Variants in KIF5C observed in about 807,000 individuals in gnomAD.
KIF5C encodes the protein kinesin heavy chain isoform 5C.
Under a neutral mutation model 125.2 loss-of-function variants are expected in KIF5C, and 18 were observed. The observed-to-expected ratio is 0.14, with a 90% CI of 0.10 to 0.21. The LOEUF is 0.21. KIF5C is among the 10% of genes least tolerant of loss of function. The pLI is 1.00. For missense variants in KIF5C, 780 were observed against 1,183.8 expected (o/e 0.66, Z 5.01); for synonymous variants, 405 against 434.0 (o/e 0.93, Z 0.83).
At chr2:148,967,695 G>A (rs1041240917) in intron 11 of KIF5C, among the ~76,000 whole-genome samples, 3 of 152,156 alleles carry the variant, frequency 2.0e-5, no homozygotes, top group Admixed American at 6.5e-5. Context: ...GTCTTTCTTC[G>A]AATCTGGAGG....
chr2:148,897,918 C>CAAAAAAAAA (rs55762538), intron 1 of KIF5C, among the ~76,000 whole-genome samples: 1 of 20,426 alleles, frequency 4.9e-5, no homozygotes, highest in Non-Finnish European at 8.0e-5. Flanking sequence ...GACTCAGTCT[C>CAAAAAAAAA]AAAAAAAAAA....
At chr2:148,899,702 C>CA (rs771196518) in intron 1 of KIF5C, among the ~76,000 whole-genome samples, 3,741 of 43,630 alleles carry the variant, frequency 0.086, 105 homozygotes, top group Non-Finnish European at 0.11. Context: ...AACTCCATCT[C>CA]AAAAAAAAAA....
At chr2:148,898,596 G>T (rs1680757529) in intron 1 of KIF5C, among the ~76,000 whole-genome samples, 1 of 152,152 alleles carries the variant, frequency 6.6e-6, no homozygotes, top group Non-Finnish European at 1.5e-5. Flanking sequence ...GACTTGACGG[G>T]CCATTACTGC....
At chr2:148,993,277 T>C (rs79879193) in intron 16 of KIF5C, among the ~76,000 whole-genome samples, 1 of 152,174 alleles carries the variant, frequency 6.6e-6, no homozygotes, top group East Asian at 1.9e-4. Flanking sequence ...AGACTGACAC[T>C]GACTTTGCTG....
chr2:149,015,947 A>G (rs1682344962), intron 25 of KIF5C, among the ~76,000 whole-genome samples: 2 of 152,250 alleles, frequency 1.3e-5, no homozygotes, highest in African/African-American at 4.8e-5. Flanking sequence ...GTAAGTGCTC[A>G]GAAGAAAACA....
intron 1 of KIF5C, among the ~76,000 whole-genome samples, chr2:148,915,628 C>A (rs923918526): frequency 6.6e-6 from 1 of 152,220 alleles, no homozygotes; most frequent in Non-Finnish European, 1.5e-5. Context: ...CAGTCCAGAT[C>A]TTTTAGGACC....
At position 149,007,979 on chromosome 2, in the gene KIF5C, A is replaced by G. The variant is rs140001551; in HGVS notation, c.2462A>G (p.Asn821Ser). 34 of 1,608,768 alleles carry G rather than the reference A, an allele frequency of 2.1e-5. No individual in the cohort carries two copies. The highest frequency in any genetic ancestry group is 2.6e-5 in the Non-Finnish European group (30 of 1,176,350). ...TCAATGCAGAGTGTGGAGTTGGACA[A>G]CGATGATGGAGGGGGCAGTGCTGCC... ...TRVKKSVELD[N>S]DDGGGSAAQK... is the part of the protein sequence containing the mutation. Residue 821 changes from asparagine to serine, a missense_variant, in exon 23 of 26, where the codon AAC becomes AGC. By Grantham distance (46) the Asn-to-Ser change is conservative. This residue lies in a region of KIF5C where 573 missense variants were observed against 742.6 expected (regional missense o/e 0.77). Transcript: ENST00000435030.
At position 149,016,292 on chromosome 2, in the gene KIF5C, C is replaced by T. The variant is rs181845151; in HGVS notation, c.*7+4609C>T. Among the ~76,000 whole-genome samples, 163 of 152,174 alleles carry T rather than the reference C, an allele frequency of 1.1e-3. 2 individuals carry two copies. The highest frequency in any genetic ancestry group is 3.5e-3 in the African/African-American group (147 of 41,512). On this transcript the variant is annotated intron_variant, in intron 25 of 25. Coordinates refer to ENST00000435030, the MANE Select transcript of KIF5C (RefSeq NM_004522.3). ...GGCGTGGAAGCAGTGGGAGCTGGTT[C>T]ATGATTAGACAAGGCCACTCTGGGC...
In KIF5C at chr2:149,008,038, C is replaced by T. The variant is rs1355369600; in HGVS notation, c.2521C>T (p.Leu841=). Residue 841 remains leucine (L), a synonymous_variant, in exon 23 of 26, where the codon CTG becomes TTG. Transcript: ENST00000435030. The part of the protein sequence containing the change: ...KQKISFLENN[L]EQLTKVHKQL... ...GAAAATTTCCTTCTTGGAGAATAAC[C>T]TGGAGCAGCTCACCAAAGTTCACAA... 8.1e-6 allele frequency: 13 copies of T among 1,612,356 alleles called. No homozygotes were observed. In the East Asian group the frequency reaches 2.5e-4, roughly 30 times the overall value.
rs1366898803 is a variant in KIF5C at position 148,983,735 on chromosome 2, G to A, written c.1685G>A (p.Gly562Asp). The change falls in exon 15 of 26, where the codon GGT (glycine) becomes GAT (aspartate). Residue 562 changes from glycine (G) to aspartate (D), a missense_variant. This residue lies in a region of KIF5C where 573 missense variants were observed against 742.6 expected (regional missense o/e 0.77). Transcript: ENST00000435030. ...NLLLKDLGEI[G>D]GIIGTNDVKT... The stretch of plus-strand genomic sequence containing the variant: ...CTGTTGAAAGATCTGGGGGAGATAG[G>A]TGGAATTATTGGCACCAATGATGTG... 2 of 1,610,296 alleles carry A rather than the reference G, an allele frequency of 1.2e-6. No homozygotes were observed. The highest frequency in any genetic ancestry group is 1.3e-5 in the African/African-American group (1 of 74,784).
intron 25 of KIF5C, among the ~76,000 whole-genome samples, chr2:149,018,920 C>G (rs1015358541): frequency 1.3e-5 from 2 of 151,762 alleles, no homozygotes; most frequent in Non-Finnish European, 2.9e-5. Flanking sequence ...GAAATTAAAG[C>G]AAAATATTTA....
intron 24 of KIF5C, 141 bp downstream of exon 24, chr2:149,010,492 A>C (rs912943198): frequency 7.2e-7 from 1 of 1,394,854 alleles, no homozygotes; most frequent in African/African-American, 1.5e-5. Flanking sequence ...CGCAGCCCTC[A>C]CCGCACCCTG....
chr2:149,013,332 C>T (rs762831675), intron 25 of KIF5C, among the ~76,000 whole-genome samples: 13 of 152,160 alleles, frequency 8.5e-5, no homozygotes, highest in Non-Finnish European at 1.6e-4. Flanking sequence ...ACTTTAGCAA[C>T]CAGAGAGGAA....
At chr2:149,008,145 T>C (rs1682067886) in intron 23 of KIF5C, 78 bp downstream of exon 23, 1 of 1,462,012 alleles carries the variant, frequency 6.8e-7, no homozygotes, top group African/African-American at 1.4e-5. Context: ...GGCCACAGTG[T>C]GCGGAGAAGG....
intron 3 of KIF5C, among the ~76,000 whole-genome samples, chr2:148,934,584 A>G (rs1026083560): frequency 2.7e-5 from 4 of 150,556 alleles, no homozygotes; most frequent in African/African-American, 9.8e-5. Flanking sequence ...CTCTGCATAC[A>G]TCATACAGAC....
At position 149,022,402 on chromosome 2, in the gene KIF5C, G is replaced by C. The variant is rs187285855; in HGVS notation, c.*8-676G>C. On this transcript the variant is annotated intron_variant, in intron 25 of 25. Coordinates refer to ENST00000435030, the MANE Select transcript of KIF5C (RefSeq NM_004522.3). ...CATGTGTCTTTTGAGCTCTCAAAAT[G>C]TGGCTAAGTCCAAATTGAGATGGGC... Among the ~76,000 whole-genome samples the C allele has an allele frequency of 3.3e-5, 5 of 152,110 alleles. No homozygotes were observed. The East Asian group carries it at 9.7e-4, about 29-fold the overall frequency.
intron 15 of KIF5C, among the ~76,000 whole-genome samples, chr2:148,988,509 A>G (rs1033197366): frequency 6.6e-6 from 1 of 152,228 alleles, no homozygotes; most frequent in Non-Finnish European, 1.5e-5. Flanking sequence ...AGAGGAATTC[A>G]TTCTCTTCCC....
In KIF5C at chr2:148,875,569, G is replaced by GCCCCCGGCCCCCCCC; in HGVS notation, c.-45_-44insCGGCCCCCCCCCCCC. On this transcript the variant is annotated 5_prime_UTR_variant, in exon 1 of 26. Transcript: ENST00000435030. ...GCGGCCTCCTCCCTCGTCGTTCCCG[G>GCCCCCGGCCCCCCCC]CCCCGGCCCCCCACCCATCCCCGTG... 1.4e-6 allele frequency: 1 copy of GCCCCCGGCCCCCCCC among 689,868 alleles called. No individual in the cohort carries two copies. 42.7% of individuals were successfully genotyped at this position (689,868 alleles called of 1,614,324 possible). A position where few individuals can be genotyped will look rare whatever the true frequency, so the allele number is the denominator to read the frequency against.
Position 148,922,122 on chromosome 2 carries a change from GTCTT to G in KIF5C, c.127-9_127-6del. ...TTTTTTCCACCTTTTTCTTCCCTTT[GTCTT>G]TCTTTTTTAGCAAGGGAAGCCATAT... On this transcript the variant is annotated splice_polypyrimidine_tract_variant and intron_variant, in intron 1 of 25. Coordinates refer to ENST00000435030, the MANE Select transcript of KIF5C (RefSeq NM_004522.3). 1.9e-6 allele frequency: 3 copies of G among 1,561,360 alleles called. No homozygotes were observed. Among genetic ancestry groups the G allele is most frequent in the Non-Finnish European group, 2.6e-6 (3 of 1,145,226 alleles).
Sources: gnomAD v4.1 joint callset for allele counts (sites outside exome capture counted in the v4.1 genomes callset) on GRCh38, gnomAD v4.1.1 for gene constraint, gnomAD v4.1.1 regional missense constraint, MANE v1.5 for transcripts, NCBI Gene and HGNC (gene_info 2026-07-23, HGNC 2026-07-21) for gene names.